The following CNTNAP5 variants were observed in gnomAD, a reference collection of about 807,000 sequenced individuals.
CNTNAP5 encodes the protein contactin associated protein family member 5, also known as contactin-associated protein-like 5.
CNTNAP5 carries 72 observed loss-of-function variants against 150.2 expected under a neutral mutation model. That is an observed-to-expected ratio of 0.48 (90% CI 0.40 to 0.58). The LOEUF (loss-of-function observed/expected upper bound fraction) is 0.58. Among genes scored for constraint, CNTNAP5 ranks in the 20% least tolerant of loss-of-function variants. The pLI is 0.00. For missense variants in CNTNAP5, 1,636 were observed against 1,626.2 expected (o/e 1.01, Z -0.10); for synonymous variants, 672 against 619.8 (o/e 1.08, Z -1.25).
chr2:124,825,795 G>A (rs1355743021), intron 19 of CNTNAP5, among the ~76,000 whole-genome samples: 2 of 152,062 alleles, frequency 1.3e-5, no homozygotes, highest in Admixed American at 1.3e-4. Flanking sequence ...CTTGGGATCG[G>A]GGCATGACGA....
chr2:124,592,344 C>CAT lies in CNTNAP5; in HGVS notation c.1757-17448_1757-17447dup, dbSNP rs551452965. Among the ~76,000 whole-genome samples the CAT allele has an allele frequency of 2.9e-3, 427 of 147,188 alleles. 2 individuals are homozygous for CAT. The highest frequency in any genetic ancestry group is 0.017 in the Middle Eastern group (5 of 292). ...TGATTTTTGCATTCCCTCTCAGCCA[C>CAT]ATATATATATGTATACGTGTGTATA... is the stretch of plus-strand genomic sequence containing the variant. On this transcript the variant is annotated intron_variant, in intron 11 of 23. Coordinates refer to ENST00000682447, the MANE Select transcript of CNTNAP5 (RefSeq NM_001367498.1).
intron 1 of CNTNAP5, among the ~76,000 whole-genome samples, chr2:124,186,883 G>T (rs1218671657): frequency 6.6e-6 from 1 of 152,192 alleles, no homozygotes; most frequent in Non-Finnish European, 1.5e-5. Flanking sequence ...TAACAAAAAT[G>T]CAGTGCAAAC....
intron 11 of CNTNAP5, among the ~76,000 whole-genome samples, chr2:124,589,400 A>G (rs932725049): frequency 1.3e-5 from 2 of 152,180 alleles, no homozygotes; most frequent in African/African-American, 4.8e-5. Flanking sequence ...TGGTATGGAA[A>G]TACCACATTT....
intron 14 of CNTNAP5, among the ~76,000 whole-genome samples, chr2:124,756,415 G>A (rs180969227): frequency 1.1e-4 from 16 of 152,184 alleles, no homozygotes; most frequent in South Asian, 1.0e-3. Flanking sequence ...ATTACTGGGC[G>A]TATACCCAAA....
At chr2:124,696,111 T>C (rs1679402171) in intron 13 of CNTNAP5, among the ~76,000 whole-genome samples, 1 of 152,136 alleles carries the variant, frequency 6.6e-6, no homozygotes, top group South Asian at 2.1e-4. Flanking sequence ...CCTCGGATGT[T>C]GGTAAAGGTC....
At chr2:124,881,456 G>A (rs1231448972) in intron 21 of CNTNAP5, among the ~76,000 whole-genome samples, 1 of 152,062 alleles carries the variant, frequency 6.6e-6, no homozygotes, top group Non-Finnish European at 1.5e-5. Context: ...ATTCGTTCTG[G>A]TCTGGCCTGA....
intron 3 of CNTNAP5, among the ~76,000 whole-genome samples, chr2:124,341,061 C>T (rs1013517030): frequency 1.3e-5 from 2 of 151,702 alleles, no homozygotes; most frequent in Admixed American, 6.6e-5. Flanking sequence ...TTAGGTGACA[C>T]GGTGAGACCC....
At chr2:124,748,484 A>G (rs1680655077) in intron 14 of CNTNAP5, among the ~76,000 whole-genome samples, 1 of 152,110 alleles carries the variant, frequency 6.6e-6, no homozygotes, top group African/African-American at 2.4e-5. Flanking sequence ...TTCCAAATAT[A>G]CTTTTGTTTT....
chr2:124,891,819 A>G (rs1471941188), intron 21 of CNTNAP5, among the ~76,000 whole-genome samples: 1 of 152,152 alleles, frequency 6.6e-6, no homozygotes, highest in Non-Finnish European at 1.5e-5. Flanking sequence ...ATTCCCAATT[A>G]GAAACAGTAC....
At chr2:124,452,169 C>A (rs1171127868) in intron 6 of CNTNAP5, among the ~76,000 whole-genome samples, 1 of 152,030 alleles carries the variant, frequency 6.6e-6, no homozygotes, top group East Asian at 1.9e-4. Context: ...TGCTTTTCCA[C>A]TGCTTGGAAA....
intron 10 of CNTNAP5, among the ~76,000 whole-genome samples, chr2:124,543,379 A>G (rs545052087): frequency 6.6e-6 from 1 of 152,236 alleles, no homozygotes; most frequent in East Asian, 1.9e-4. Flanking sequence ...GTCTTTGGTG[A>G]TTGTTAAAGG....
intron 3 of CNTNAP5, among the ~76,000 whole-genome samples, chr2:124,312,792 C>G (rs10171902): frequency 0.28 from 42,627 of 152,018 alleles, 6,928 homozygotes; most frequent in African/African-American, 0.45. Flanking sequence ...GGATGGTCTC[C>G]ATCTCCTGAC....
chr2:124,412,454 G>T (rs1472627680), intron 3 of CNTNAP5, among the ~76,000 whole-genome samples: 1 of 149,732 alleles, frequency 6.7e-6, no homozygotes. Context: ...AAAGCTGGAG[G>T]CATCACACTA....
chr2:124,386,480 T>C (rs1370837771), intron 3 of CNTNAP5, among the ~76,000 whole-genome samples: 1 of 152,246 alleles, frequency 6.6e-6, no homozygotes, highest in African/African-American at 2.4e-5. Flanking sequence ...TCAAGCAGTC[T>C]CTTCCATAGT....
chr2:124,372,997 G>A (rs950553765), intron 3 of CNTNAP5, among the ~76,000 whole-genome samples: 5 of 152,032 alleles, frequency 3.3e-5, no homozygotes, highest in South Asian at 2.1e-4. Context: ...AGACAAAGAT[G>A]ACAAAAATTA....
chr2:124,237,682 C>G (rs144640549), intron 2 of CNTNAP5, among the ~76,000 whole-genome samples: 1 of 152,034 alleles, frequency 6.6e-6, no homozygotes, highest in East Asian at 1.9e-4. Context: ...ACTAAAAATA[C>G]AAAAATTAGC....
At chr2:124,487,006 G>T (rs1257917247) in intron 7 of CNTNAP5, among the ~76,000 whole-genome samples, 5 of 152,120 alleles carry the variant, frequency 3.3e-5, no homozygotes, top group Non-Finnish European at 1.5e-5. Flanking sequence ...ATTCTTTTCC[G>T]CTGAAATTGT....
chr2:124,395,124 T>A (rs572373341), intron 3 of CNTNAP5, among the ~76,000 whole-genome samples: 1 of 152,244 alleles, frequency 6.6e-6, no homozygotes, highest in South Asian at 2.1e-4. Context: ...AATCTATATA[T>A]AAATATATGA....
intron 1 of CNTNAP5, among the ~76,000 whole-genome samples, chr2:124,188,416 G>A (rs1319327303): frequency 6.6e-6 from 1 of 151,980 alleles, no homozygotes; most frequent in Admixed American, 6.6e-5. Context: ...ATTTATAAAA[G>A]AAGGAACAAA....
Sources: allele counts gnomAD v4.1 joint callset (sites outside exome capture counted in the v4.1 genomes callset), GRCh38; gene constraint gnomAD v4.1.1; transcripts MANE v1.5; gene names NCBI Gene and HGNC (gene_info 2026-07-23, HGNC 2026-07-21).